RNF115: variants seen among roughly 807,000 people sequenced by gnomAD.
The protein encoded by RNF115 is E3 ubiquitin-protein ligase RNF115.
RNF115 carries 31 observed loss-of-function variants against 39.2 expected under a neutral mutation model. That is an observed-to-expected ratio of 0.79 (90% CI 0.59 to 1.07). The LOEUF is 1.07. Among genes scored for constraint, RNF115 ranks in the 50% least tolerant of loss-of-function variants. The pLI is 0.00. For missense variants in RNF115, 384 were observed against 381.7 expected (o/e 1.01, Z -0.05); for synonymous variants, 124 against 131.0 (o/e 0.95, Z 0.37).
chr1:145,761,139 C>G (rs1658486785), intron 4 of RNF115, among the ~76,000 whole-genome samples: 1 of 152,144 alleles, frequency 6.6e-6, no homozygotes, highest in Non-Finnish European at 1.5e-5. Flanking sequence ...AACTTGGGTG[C>G]TGTTAACCAG....
chr1:145,811,932 T>TATATATAC (rs1465945929), intron 1 of RNF115, among the ~76,000 whole-genome samples: 1,151 of 72,668 alleles, frequency 0.016, 43 homozygotes, highest in Non-Finnish European at 0.024. Context: ...TATATATATA[T>TATATATAC]ACACACACAC....
At chr1:145,788,764 G>C (rs782421910) in intron 2 of RNF115, 144 bp downstream of exon 2, 12 of 731,110 alleles carry the variant, frequency 1.6e-5, no homozygotes, top group Non-Finnish European at 2.5e-5. Context: ...TCTTGTGCAA[G>C]CTCATGCACT....
intron 4 of RNF115, among the ~76,000 whole-genome samples, chr1:145,760,783 G>T (rs1658472941): frequency 6.6e-6 from 1 of 152,156 alleles, no homozygotes; most frequent in Non-Finnish European, 1.5e-5. Context: ...CCAAAAATGT[G>T]GAATTGACTT....
At chr1:145,763,455 T>C (rs762225440) in intron 4 of RNF115, among the ~76,000 whole-genome samples, 4 of 152,214 alleles carry the variant, frequency 2.6e-5, no homozygotes, top group African/African-American at 9.6e-5. Flanking sequence ...CCCAACACCT[T>C]GGGAGGCCAA....
intron 4 of RNF115, among the ~76,000 whole-genome samples, chr1:145,765,862 C>T (rs1297108147): frequency 6.6e-6 from 1 of 152,168 alleles, no homozygotes; most frequent in African/African-American, 2.4e-5. Flanking sequence ...AAGTTTTACT[C>T]ATGCCAATGA....
At chr1:145,799,369 G>A (rs587627483) in intron 1 of RNF115, among the ~76,000 whole-genome samples, 12 of 152,102 alleles carry the variant, frequency 7.9e-5, no homozygotes, top group African/African-American at 1.7e-4. Flanking sequence ...GCCAGCTTCC[G>A]GGTTTTCAAC....
In RNF115 at chr1:145,776,116, A is replaced by ACTC. The variant is rs587608083; in HGVS notation, c.220-4200_220-4198dup. On this transcript the variant is annotated intron_variant, in intron 3 of 8. Coordinates refer to ENST00000582693, the MANE Select transcript of RNF115 (RefSeq NM_014455.4). The stretch of plus-strand genomic sequence containing the variant: ...GGGGGGGGCTACTGTACCAATTCAG[A>ACTC]CTCCTACCAGAGTATAAATGCTTAC... 5.1e-3 allele frequency among the ~76,000 whole-genome samples: 758 copies of ACTC among 149,880 alleles called. 10 individuals are homozygous for ACTC. Among genetic ancestry groups the ACTC allele is most frequent in the South Asian group, 0.034 (158 of 4,684 alleles).
At position 145,784,561 on chromosome 1, in the gene RNF115, G is replaced by A; in HGVS notation, c.197C>T (p.Thr66Ile). ...TACCTCTGCAAAATGTGTTGTTGTG[G>A]TATTGTCTATCCGACTGCCGCCACC... ...LGGGGSRIDNTTTTHFAELWG... is the reference protein window; with the variant it reads ...LGGGGSRIDNITTTHFAELWG... The change falls in exon 3 of 9, where the codon ACC (threonine) becomes ATC (isoleucine). Residue 66 changes from threonine (T) to isoleucine (I), a missense_variant. Coordinates refer to ENST00000582693, the MANE Select transcript of RNF115 (RefSeq NM_014455.4). 6.2e-7 allele frequency: 1 copy of A among 1,613,850 alleles called. No individual in the cohort carries two copies. Among genetic ancestry groups the A allele is most frequent in the South Asian group, 1.1e-5 (1 of 91,066 alleles).
At chr1:145,776,965 T>A (rs941689362) in intron 3 of RNF115, among the ~76,000 whole-genome samples, 1 of 152,242 alleles carries the variant, frequency 6.6e-6, no homozygotes, top group African/African-American at 2.4e-5. Context: ...CTATTAGAGA[T>A]CACTGGTTTC....
chr1:145,746,103 G>A lies in RNF115; in HGVS notation c.*763C>T, dbSNP rs1553711706. The A allele has an allele frequency of 6.6e-6, 1 of 151,942 alleles. No individual in the cohort carries two copies. The highest frequency in any genetic ancestry group is 6.6e-5 in the Admixed American group (1 of 15,248). 9.4% of individuals were successfully genotyped at this position (151,942 alleles called of 1,614,324 possible). A position where few individuals can be genotyped will look rare whatever the true frequency, so the allele number is the denominator to read the frequency against. On this transcript the variant is annotated 3_prime_UTR_variant, in exon 9 of 9. Transcript: ENST00000582693. ...TAGCTGGGCATGGTAACAAATGCCT[G>A]TGGTCCCAGCTACTCCGGAGGCTGA... is the stretch of plus-strand genomic sequence containing the variant.
At chr1:145,761,193 C>G (rs1191505558) in intron 4 of RNF115, among the ~76,000 whole-genome samples, 1 of 152,116 alleles carries the variant, frequency 6.6e-6, no homozygotes, top group Non-Finnish European at 1.5e-5. Flanking sequence ...AAATTTGTAG[C>G]CTATGTGACA....
rs1444638528 is a variant in RNF115 at position 145,745,031 on chromosome 1, T to G, written c.*1835A>C. 1 of 152,170 alleles carries G rather than the reference T, an allele frequency of 6.6e-6. No individual in the cohort carries two copies. The highest frequency in any genetic ancestry group is 6.6e-5 in the Admixed American group (1 of 15,264). The allele number at this position is 152,170 out of a possible 1,614,324, so 9.4% of individuals were successfully genotyped here. A position where few individuals can be genotyped will look rare whatever the true frequency, so the allele number is the denominator to read the frequency against. ...AAGGAGAAAAGGAAAGTTTCAGAGA[T>G]GAAAAATAGGCTTAAAAATTAAAAT... On this transcript the variant is annotated 3_prime_UTR_variant, in exon 9 of 9. Transcript: ENST00000582693.
intron 4 of RNF115, among the ~76,000 whole-genome samples, chr1:145,770,114 A>C (rs1647566940): frequency 2.0e-5 from 3 of 152,228 alleles, no homozygotes; most frequent in Non-Finnish European, 2.9e-5. Flanking sequence ...AAATGCATTA[A>C]CTGTTTAAGG....
chr1:145,802,427 C>A (rs1317334100), intron 1 of RNF115, among the ~76,000 whole-genome samples: 1 of 152,168 alleles, frequency 6.6e-6, no homozygotes. Context: ...TTAGTTATCA[C>A]AATACGTGAC....
At chr1:145,795,213 G>A (rs889157612) in intron 1 of RNF115, among the ~76,000 whole-genome samples, 3 of 151,826 alleles carry the variant, frequency 2.0e-5, no homozygotes, top group Non-Finnish European at 4.4e-5. Context: ...GTGGGTTCAC[G>A]GTCTCACTGA....
intron 1 of RNF115, among the ~76,000 whole-genome samples, chr1:145,805,394 T>C (rs977821020): frequency 6.6e-6 from 1 of 151,882 alleles, no homozygotes; most frequent in African/African-American, 2.4e-5. Flanking sequence ...TATAAAATAG[T>C]TCTAAAAAAA....
In RNF115 at chr1:145,752,986, AG is replaced by A; in HGVS notation, c.491del (p.Pro164LeufsTer26). 5 of 1,596,404 alleles carry A rather than the reference AG, an allele frequency of 3.1e-6. No individual in the cohort carries two copies. Among genetic ancestry groups the A allele is most frequent in the Non-Finnish European group, 4.3e-6 (5 of 1,164,400 alleles). ...ANSAIPGSPH[P>X]FSWSGMLHSN... ...AACAATTAGTTACTTACCAGGAAAA[AG>A]GGTGTGGAGATCCAGGAATGGCAGA... is the stretch of plus-strand genomic sequence containing the variant. On this transcript the variant is annotated frameshift_variant, in exon 5 of 9. Transcript: ENST00000582693. LOFTEE classifies it high-confidence loss of function.
At chr1:145,762,636 A>G (rs1553714019) in intron 4 of RNF115, among the ~76,000 whole-genome samples, 1 of 152,042 alleles carries the variant, frequency 6.6e-6, no homozygotes, top group Non-Finnish European at 1.5e-5. Context: ...ATTTCTGGAT[A>G]AGGCTGTCTT....
chr1:145,819,292 A>C (rs1178007075), intron 1 of RNF115, among the ~76,000 whole-genome samples: 4 of 144,268 alleles, frequency 2.8e-5, no homozygotes, highest in Admixed American at 6.9e-5. Context: ...AAAAAAAAAA[A>C]AAAAAAAACA....
Sources: gnomAD v4.1 joint callset for allele counts (sites outside exome capture counted in the v4.1 genomes callset) on GRCh38, gnomAD v4.1.1 for gene constraint, MANE v1.5 for transcripts, NCBI Gene and HGNC (gene_info 2026-07-23, HGNC 2026-07-21) for gene names.